CACNB2: variants seen among roughly 807,000 people sequenced by gnomAD.
The protein encoded by CACNB2 is voltage-dependent L-type calcium channel subunit beta-2.
A neutral mutation model predicts 73.3 loss-of-function variants in CACNB2; 42 were observed. The ratio of observed to expected loss-of-function variants is 0.57; its 90% CI spans 0.45 to 0.74. The LOEUF is 0.74. CACNB2 is among the 30% of genes least tolerant of loss of function. The pLI is 0.00. For missense variants in CACNB2, 940 were observed against 853.0 expected (o/e 1.10, Z -1.27); for synonymous variants, 348 against 310.3 (o/e 1.12, Z -1.28).
chr10:18,515,760 T>C (rs12784387), intron 7 of CACNB2, among the ~76,000 whole-genome samples: 38,303 of 152,134 alleles, frequency 0.25, 5,003 homozygotes, highest in South Asian at 0.28. Flanking sequence ...TAACAGTGTC[T>C]ATCATTCAGA....
Position 18,540,345 on chromosome 10 carries a change from T to TCA in CACNB2, c.*621_*622insCA, listed in dbSNP as rs564407056. ...TTATTATATATATAATATATATATATATCAGTTTGATCACACTATTTTAGA... is the reference window on the plus strand; with the variant it reads ...TTATTATATATATAATATATATATATCAATCAGTTTGATCACACTATTTTAGA... On this transcript the variant is annotated 3_prime_UTR_variant, in exon 14 of 14. Coordinates refer to ENST00000324631, the MANE Select transcript of CACNB2 (RefSeq NM_201596.3). 24 of 151,718 alleles carry TCA rather than the reference T, an allele frequency of 1.6e-4. No homozygotes were observed. The highest frequency in any genetic ancestry group is 2.8e-4 in the Non-Finnish European group (19 of 67,914). 9.4% of individuals were successfully genotyped at this position (151,718 alleles called of 1,614,324 possible).
At chr10:18,402,101 C>A (rs1395801671) in intron 3 of CACNB2, 58 bp downstream of exon 3, 4 of 1,576,066 alleles carry the variant, frequency 2.5e-6, no homozygotes, top group Admixed American at 3.3e-5. Context: ...CCCTGATAGA[C>A]CACCTGTGGG....
At chr10:18,209,635 A>ATT (rs201451514) in intron 2 of CACNB2, among the ~76,000 whole-genome samples, 2 of 151,498 alleles carry the variant, frequency 1.3e-5, no homozygotes, top group East Asian at 1.9e-4. Context: ...TTAGCTATTG[A>ATT]TTTTTTTTTA....
At chr10:18,499,174 G>A (rs1257309867) in intron 4 of CACNB2, among the ~76,000 whole-genome samples, 1 of 152,174 alleles carries the variant, frequency 6.6e-6, no homozygotes, top group African/African-American at 2.4e-5. Context: ...TTCTCAGTGT[G>A]TGATCCTGAG....
At chr10:18,473,206 GC>G (rs2048280005) in intron 3 of CACNB2, among the ~76,000 whole-genome samples, 1 of 152,118 alleles carries the variant, frequency 6.6e-6, no homozygotes, top group African/African-American at 2.4e-5. Context: ...GGCCCCGCTC[GC>G]CTGTTAACGT....
In CACNB2 at chr10:18,499,637, A is replaced by AAAAAAG. The variant is rs1554831784; in HGVS notation, c.456+1162_456+1163insAAAGAA. 1.0e-3 allele frequency among the ~76,000 whole-genome samples: 96 copies of AAAAAAG among 92,590 alleles called. 10 individuals carry two copies. Among genetic ancestry groups the AAAAAAG allele is most frequent in the Middle Eastern group, 5.7e-3 (1 of 174 alleles). 60.7% of individuals were successfully genotyped at this position (92,590 alleles called of 152,430 possible). A position where few individuals can be genotyped will look rare whatever the true frequency, so the allele number is the denominator to read the frequency against. On this transcript the variant is annotated intron_variant, in intron 4 of 13. Coordinates refer to ENST00000324631, the MANE Select transcript of CACNB2 (RefSeq NM_201596.3). ...TCAAAGAAAAAAAAAAAAAAAAAAAAAAGAACCTAGAAGCCTGGGTACTAT... is the reference window on the plus strand; with the variant it reads ...TCAAAGAAAAAAAAAAAAAAAAAAAAAAAAAGAAGAACCTAGAAGCCTGGGTACTAT...
chr10:18,298,257 C>T (rs2039358609), intron 2 of CACNB2, among the ~76,000 whole-genome samples: 1 of 151,848 alleles, frequency 6.6e-6, no homozygotes, highest in Admixed American at 6.6e-5. Context: ...TAACTCCAGC[C>T]ACTCGGGAGG....
At chr10:18,427,584 C>G (rs1317566215) in intron 3 of CACNB2, among the ~76,000 whole-genome samples, 1 of 152,150 alleles carries the variant, frequency 6.6e-6, no homozygotes, top group Non-Finnish European at 1.5e-5. Context: ...TTTTCTATAA[C>G]TCACTGGGAA....
At chr10:18,415,467 T>TA (rs11337812) in intron 3 of CACNB2, among the ~76,000 whole-genome samples, 94 of 142,830 alleles carry the variant, frequency 6.6e-4, no homozygotes, top group Non-Finnish European at 1.1e-3. Context: ...CCTTGTCTCT[T>TA]AAAAAAAAAA....
At chr10:18,340,529 C>T (rs1021210019) in intron 2 of CACNB2, among the ~76,000 whole-genome samples, 2 of 152,166 alleles carry the variant, frequency 1.3e-5, no homozygotes, top group Non-Finnish European at 2.9e-5. Context: ...AAAGGATTCT[C>T]GAGCAGGGCT....
chr10:18,143,637 T>C (rs2030663678), intron 1 of CACNB2, among the ~76,000 whole-genome samples: 1 of 152,192 alleles, frequency 6.6e-6, no homozygotes, highest in Admixed American at 6.5e-5. Context: ...AATCATGGCA[T>C]CATAGGATTG....
At chr10:18,197,047 T>C (rs2034656963) in intron 2 of CACNB2, among the ~76,000 whole-genome samples, 1 of 151,962 alleles carries the variant, frequency 6.6e-6, no homozygotes, top group South Asian at 2.1e-4. Context: ...CCTCTCATTC[T>C]CTCTCTTCAC....
chr10:18,507,817 A>T (rs2050572194), intron 6 of CACNB2, among the ~76,000 whole-genome samples: 1 of 152,260 alleles, frequency 6.6e-6, no homozygotes, highest in Non-Finnish European at 1.5e-5. Flanking sequence ...CAGAAATCAA[A>T]GAACTAGTCA....
At chr10:18,141,197 A>C in intron 1 of CACNB2, 1 of 1,126,916 alleles carries the variant, frequency 8.9e-7, no homozygotes, top group Non-Finnish European at 1.2e-6. Flanking sequence ...AGGGGAGTGG[A>C]CTGGACCTGC....
intron 2 of CACNB2, chr10:18,261,282 G>A (rs768293777): frequency 6.4e-6 from 10 of 1,551,454 alleles, no homozygotes; most frequent in Middle Eastern, 1.7e-4. Flanking sequence ...GCAGTGCTGC[G>A]GGCTGGTGCA....
intron 2 of CACNB2, among the ~76,000 whole-genome samples, chr10:18,389,060 AG>A (rs2043352990): frequency 1.3e-5 from 2 of 152,352 alleles, no homozygotes; most frequent in Admixed American, 1.3e-4. Context: ...TCACAAACAT[AG>A]GAACATTACA....
intron 9 of CACNB2, among the ~76,000 whole-genome samples, chr10:18,523,074 GA>G (rs1204624818): frequency 1.3e-5 from 2 of 151,896 alleles, no homozygotes; most frequent in African/African-American, 4.8e-5. Flanking sequence ...TTCAGTTTGT[GA>G]CAGGAAATAG....
chr10:18,523,469 C>T (rs533381938), intron 9 of CACNB2, among the ~76,000 whole-genome samples: 4 of 151,966 alleles, frequency 2.6e-5, no homozygotes, highest in Non-Finnish European at 5.9e-5. Flanking sequence ...AACAAAATAT[C>T]TTAAAGTATC....
chr10:18,506,031 A>G (rs1423894490), intron 5 of CACNB2, among the ~76,000 whole-genome samples: 2 of 152,244 alleles, frequency 1.3e-5, no homozygotes, highest in African/African-American at 4.8e-5. Flanking sequence ...AGTGCTTTCA[A>G]TCTTAGTGTA....
Sources: allele counts gnomAD v4.1 joint callset (sites outside exome capture counted in the v4.1 genomes callset), GRCh38; gene constraint gnomAD v4.1.1; transcripts MANE v1.5; gene names NCBI Gene and HGNC (gene_info 2026-07-23, HGNC 2026-07-21).